The following RCAN2 variants were observed in gnomAD, a reference collection of about 807,000 sequenced individuals.
RCAN2 encodes the protein regulator of calcineurin 2, also known as calcipressin-2.
A neutral mutation model predicts 23.6 loss-of-function variants in RCAN2; 9 were observed. That is an observed-to-expected ratio of 0.38 (90% CI 0.23 to 0.67). The LOEUF (loss-of-function observed/expected upper bound fraction) is 0.67. RCAN2 is among the 30% of genes least tolerant of loss of function. RCAN2 has a pLI of 0.51. For synonymous variants in RCAN2, 109 were observed against 115.7 expected (o/e 0.94, Z 0.37); for missense variants, 273 against 302.3 (o/e 0.90, Z 0.72).
chr6:46,249,760 G>T (rs1480978569), intron 2 of RCAN2, among the ~76,000 whole-genome samples: 2 of 152,086 alleles, frequency 1.3e-5, no homozygotes, highest in African/African-American at 4.8e-5. Flanking sequence ...TAATTTTTCA[G>T]TTTATTTCTC....
chr6:46,245,648 A>G (rs1364656819), intron 4 of RCAN2, among the ~76,000 whole-genome samples: 1 of 152,196 alleles, frequency 6.6e-6, no homozygotes, highest in Non-Finnish European at 1.5e-5. Flanking sequence ...TAAGTTGACT[A>G]TTCTTGGTAC....
intron 4 of RCAN2, among the ~76,000 whole-genome samples, chr6:46,236,267 T>C (rs536350958): frequency 1.4e-3 from 209 of 152,306 alleles, no homozygotes; most frequent in Non-Finnish European, 2.4e-3. Flanking sequence ...GGGTATCATA[T>C]AATCTGGTCT....
intron 4 of RCAN2, among the ~76,000 whole-genome samples, chr6:46,236,195 T>A (rs1392324508): frequency 6.6e-6 from 1 of 152,230 alleles, no homozygotes; most frequent in East Asian, 1.9e-4. Flanking sequence ...TTTTCCTCAG[T>A]GGAGACACCA....
intron 4 of RCAN2, among the ~76,000 whole-genome samples, chr6:46,227,261 G>T (rs1046302692): frequency 1.3e-4 from 20 of 152,094 alleles, no homozygotes; most frequent in African/African-American, 4.3e-4. Context: ...TTTTCGTTGT[G>T]TCTCTGCCAG....
chr6:46,430,053 G>C (rs991242093), intron 2 of RCAN2, among the ~76,000 whole-genome samples: 1 of 152,192 alleles, frequency 6.6e-6, no homozygotes, highest in Admixed American at 6.5e-5. Context: ...TGAAAGGAAT[G>C]GGAAGCTTTG....
intron 2 of RCAN2, among the ~76,000 whole-genome samples, chr6:46,295,459 C>A (rs537389768): frequency 6.6e-6 from 1 of 152,072 alleles, no homozygotes; most frequent in Admixed American, 6.5e-5. Flanking sequence ...AGAAGAACAC[C>A]AGAAAAGAAA....
intron 2 of RCAN2, among the ~76,000 whole-genome samples, chr6:46,387,391 C>T (rs1431100713): frequency 8.2e-4 from 124 of 152,138 alleles, no homozygotes; most frequent in Non-Finnish European, 3.4e-4. Flanking sequence ...ACAAAGAACT[C>T]AAACAAATGT....
At chr6:46,418,100 A>C (rs1582185400) in intron 2 of RCAN2, among the ~76,000 whole-genome samples, 1 of 152,210 alleles carries the variant, frequency 6.6e-6, no homozygotes, top group East Asian at 1.9e-4. Flanking sequence ...ATCCTTATTT[A>C]AACTTCAAGA....
At chr6:46,396,163 ATTC>A (rs1378010131) in intron 2 of RCAN2, among the ~76,000 whole-genome samples, 1 of 152,136 alleles carries the variant, frequency 6.6e-6, no homozygotes, top group Non-Finnish European at 1.5e-5. Flanking sequence ...TGAATTCTGC[ATTC>A]TTATTTTTTT....
chr6:46,484,333 C>T (rs552085065), intron 1 of RCAN2, among the ~76,000 whole-genome samples: 29 of 152,172 alleles, frequency 1.9e-4, no homozygotes, highest in South Asian at 6.2e-4. Flanking sequence ...AAGATTCCAA[C>T]GGTTATCTTA....
intron 2 of RCAN2, among the ~76,000 whole-genome samples, chr6:46,285,990 G>A (rs1762361902): frequency 6.6e-6 from 1 of 152,170 alleles, no homozygotes; most frequent in Non-Finnish European, 1.5e-5. Flanking sequence ...AATTAAAGAT[G>A]AGCTGCATGA....
At chr6:46,465,338 A>T (rs1768344637) in intron 1 of RCAN2, among the ~76,000 whole-genome samples, 1 of 152,236 alleles carries the variant, frequency 6.6e-6, no homozygotes, top group African/African-American at 2.4e-5. Flanking sequence ...AGAGTTTTGG[A>T]CATTGTATTA....
intron 2 of RCAN2, among the ~76,000 whole-genome samples, chr6:46,356,151 C>G (rs1764823076): frequency 6.6e-6 from 1 of 152,146 alleles, no homozygotes; most frequent in Non-Finnish European, 1.5e-5. Flanking sequence ...AAATTGGAGA[C>G]CAACTGAAGA....
chr6:46,247,086 T>C (rs1354756034), intron 3 of RCAN2, among the ~76,000 whole-genome samples, 167 bp from the exon 4 acceptor site: 2 of 152,184 alleles, frequency 1.3e-5, no homozygotes, highest in East Asian at 3.9e-4. Context: ...ATTGCCTTAT[T>C]TAATCCTGAA....
intron 2 of RCAN2, among the ~76,000 whole-genome samples, chr6:46,289,104 A>C (rs1031802562): frequency 1.1e-4 from 16 of 152,210 alleles, no homozygotes; most frequent in African/African-American, 2.9e-4. Context: ...ATCAGCTATG[A>C]CTGACAGAGC....
chr6:46,292,423 G>GTTTTTTTTTTTTTTTTTTTTTT (rs869232910), intron 2 of RCAN2, among the ~76,000 whole-genome samples: 3 of 107,568 alleles, frequency 2.8e-5, no homozygotes, highest in African/African-American at 1.2e-4. Context: ...GAGTTGATTT[G>GTTTTTTTTTTTTTTTTTTTTTT]TTGTTTTTTT....
intron 2 of RCAN2, among the ~76,000 whole-genome samples, chr6:46,321,166 T>C (rs891657235): frequency 1.3e-5 from 2 of 152,190 alleles, no homozygotes; most frequent in East Asian, 1.9e-4. Context: ...CCCAGAGATG[T>C]TTCCAATGGC....
intron 2 of RCAN2, among the ~76,000 whole-genome samples, chr6:46,360,392 G>T (rs925276125): frequency 4.6e-5 from 7 of 151,874 alleles, no homozygotes; most frequent in Admixed American, 4.6e-4. Flanking sequence ...AAATTAGCGG[G>T]GCGTGGTGGT....
At chr6:46,384,605 C>A (rs553049569) in intron 2 of RCAN2, among the ~76,000 whole-genome samples, 1 of 152,180 alleles carries the variant, frequency 6.6e-6, no homozygotes, top group East Asian at 1.9e-4. Context: ...TCTCAGCCAA[C>A]AACAGATGGA....
Sources: allele counts gnomAD v4.1 joint callset (sites outside exome capture counted in the v4.1 genomes callset), GRCh38; gene constraint gnomAD v4.1.1; transcripts MANE v1.5; gene names NCBI Gene and HGNC (gene_info 2026-07-23, HGNC 2026-07-21).